The following RNLS variants were observed in gnomAD, a reference collection of about 807,000 sequenced individuals.
RNLS encodes renalase.
Under a neutral mutation model 39.8 loss-of-function variants are expected in RNLS, and 39 were observed. That is an observed-to-expected ratio of 0.98 (90% CI 0.76 to 1.28). The LOEUF (loss-of-function observed/expected upper bound fraction) is 1.28, where lower values mean the gene tolerates loss of function less well. Ranked by LOEUF, RNLS falls within the 50% of genes most tolerant of loss-of-function variation. The pLI is 0.00. For synonymous variants in RNLS, 147 were observed against 150.7 expected, an observed-to-expected ratio of 0.98 and a Z score of 0.18; for missense variants, 410 against 413.3, an observed-to-expected ratio of 0.99 and a Z score of 0.07.
chr10:88,550,503 A>G (rs942180285), intron 4 of RNLS, among the ~76,000 whole-genome samples: 5 of 152,196 alleles, frequency 3.3e-5, no homozygotes, highest in African/African-American at 1.2e-4. Flanking sequence ...GAGATAGAGA[A>G]AGACTCAAGA....
At position 88,462,130 on chromosome 10, in the gene RNLS, C is replaced by T. The variant is rs1020215707; in HGVS notation, c.527-99405G>A. On this transcript the variant is annotated intron_variant, in intron 4 of 6. Transcript: ENST00000331772. ...ACTAATTTGGGTTAATTTTTTGCCACTTTATATTTGTGTGTTTTGACAAAC... is the reference window on the plus strand; with the variant it reads ...ACTAATTTGGGTTAATTTTTTGCCATTTTATATTTGTGTGTTTTGACAAAC... Among the ~76,000 whole-genome samples, 6 of 152,034 alleles carry T rather than the reference C, an allele frequency of 3.9e-5. No homozygotes were observed. In the East Asian group the frequency reaches 1.2e-3, roughly 29 times the overall value.
chr10:88,206,862 C>T, the RNLS span, among the ~76,000 whole-genome samples: 1 of 152,086 alleles, frequency 6.6e-6, no homozygotes, highest in African/African-American at 2.4e-5. Flanking sequence ...AGACTGACTA[C>T]AGTTTCTTAT....
chr10:88,351,410 G>A (rs912050050), intron 5 of RNLS, among the ~76,000 whole-genome samples: 4 of 152,114 alleles, frequency 2.6e-5, no homozygotes, highest in East Asian at 1.9e-4. Flanking sequence ...TTTTGTGTAC[G>A]GTGTAAGGAA....
intron 4 of RNLS, among the ~76,000 whole-genome samples, chr10:88,410,083 T>C (rs117883817): frequency 2.6e-3 from 390 of 152,206 alleles, no homozygotes; most frequent in Non-Finnish European, 4.5e-3. Flanking sequence ...ACAGGCTGGA[T>C]TTGGCCCACT....
intron 4 of RNLS, among the ~76,000 whole-genome samples, chr10:88,363,785 C>A (rs754784624): frequency 3.9e-5 from 6 of 152,112 alleles, no homozygotes; most frequent in Non-Finnish European, 8.8e-5. Context: ...TCTCCACTTA[C>A]CAGATATGTG....
the RNLS span, among the ~76,000 whole-genome samples, chr10:88,241,192 AT>A: frequency 6.8e-6 from 1 of 146,212 alleles, no homozygotes; most frequent in African/African-American, 2.5e-5. Context: ...TTTGTAAAAT[AT>A]TTTTCTTCTG....
At chr10:88,395,415 T>G (rs948567025) in intron 4 of RNLS, among the ~76,000 whole-genome samples, 3 of 151,676 alleles carry the variant, frequency 2.0e-5, no homozygotes, top group African/African-American at 7.3e-5. Context: ...AAATATAAAA[T>G]AGAGCAAAAC....
intron 6 of RNLS, 77 bp downstream of exon 6, chr10:88,314,389 A>G: frequency 7.0e-7 from 1 of 1,437,276 alleles, no homozygotes. Flanking sequence ...GAGAGTGCAA[A>G]GGATAAAGAA....
the RNLS span, among the ~76,000 whole-genome samples, chr10:88,217,014 G>A: frequency 1.3e-5 from 2 of 152,124 alleles, no homozygotes; most frequent in Admixed American, 6.5e-5. Context: ...GTAATTATGA[G>A]TGAGTGCAGC....
chr10:88,314,982 C>A (rs1479326149), intron 5 of RNLS, among the ~76,000 whole-genome samples: 1 of 152,026 alleles, frequency 6.6e-6, no homozygotes, highest in African/African-American at 2.4e-5. Context: ...CTCTTCAGGG[C>A]AGGGTCCATT....
At chr10:88,447,893 A>G (rs1433337706) in intron 4 of RNLS, among the ~76,000 whole-genome samples, 1 of 152,262 alleles carries the variant, frequency 6.6e-6, no homozygotes, top group Non-Finnish European at 1.5e-5. Context: ...ACCTGACAAA[A>G]ACAAGAAATG....
chr10:88,417,669 T>A (rs949908636), intron 4 of RNLS, among the ~76,000 whole-genome samples: 1 of 152,224 alleles, frequency 6.6e-6, no homozygotes, highest in East Asian at 1.9e-4. Flanking sequence ...CCTTTAAATA[T>A]CTGTGTTATT....
chr10:88,502,259 A>G lies in RNLS; in HGVS notation c.526+70644T>C, dbSNP rs1455435887. 1.4e-5 allele frequency among the ~76,000 whole-genome samples: 2 copies of G among 139,380 alleles called. 1 individual carries two copies. The highest frequency in any genetic ancestry group is 4.5e-4 in the East Asian group (2 of 4,440). The allele number at this position is 139,380 out of a possible 152,430, so 91.4% of individuals were successfully genotyped here. On this transcript the variant is annotated intron_variant, in intron 4 of 6. Coordinates refer to ENST00000331772, the MANE Select transcript of RNLS (RefSeq NM_001031709.3). ...AACTCATGTTGAAATTTGATCCCCAATGTGGCAGTGTAAGGAGGAGGCCCT... is the reference window on the plus strand; with the variant it reads ...AACTCATGTTGAAATTTGATCCCCAGTGTGGCAGTGTAAGGAGGAGGCCCT...
intron 4 of RNLS, among the ~76,000 whole-genome samples, chr10:88,424,416 G>A (rs905846615): frequency 5.3e-5 from 8 of 152,252 alleles, no homozygotes; most frequent in Non-Finnish European, 7.4e-5. Context: ...CTAGAGGAGA[G>A]GAATAGGTGG....
intron 4 of RNLS, among the ~76,000 whole-genome samples, chr10:88,420,732 G>A (rs943237953): frequency 4.6e-5 from 7 of 152,202 alleles, no homozygotes; most frequent in Non-Finnish European, 1.0e-4. Context: ...AGATTCCAAA[G>A]GTCATAATGT....
intron 4 of RNLS, among the ~76,000 whole-genome samples, chr10:88,520,973 C>T (rs1589946900): frequency 2.6e-5 from 4 of 151,948 alleles, no homozygotes; most frequent in African/African-American, 7.2e-5. Flanking sequence ...TTCCTGTTCA[C>T]GGGTGTTGCT....
intron 4 of RNLS, among the ~76,000 whole-genome samples, chr10:88,386,038 G>T (rs1273014565): frequency 6.6e-6 from 1 of 152,210 alleles, no homozygotes; most frequent in Non-Finnish European, 1.5e-5. Flanking sequence ...GCTTTTTTAC[G>T]TTAAGGAGGA....
intron 4 of RNLS, among the ~76,000 whole-genome samples, chr10:88,483,127 A>G (rs1480892467): frequency 3.9e-5 from 6 of 152,148 alleles, no homozygotes; most frequent in African/African-American, 1.2e-4. Context: ...GTGCTCCTAC[A>G]TCTTGAGCCA....
chr10:88,452,038 A>G (rs527842652), intron 4 of RNLS, among the ~76,000 whole-genome samples: 292 of 152,302 alleles, frequency 1.9e-3, no homozygotes, highest in Non-Finnish European at 3.7e-3. Flanking sequence ...ATATTTTACA[A>G]TATCCTCGTA....
Sources: gnomAD v4.1 joint callset for allele counts (sites outside exome capture counted in the v4.1 genomes callset) on GRCh38, gnomAD v4.1.1 for gene constraint, MANE v1.5 for transcripts, NCBI Gene and HGNC (gene_info 2026-07-23, HGNC 2026-07-21) for gene names.